The following PRKDC variants were observed in gnomAD, a reference collection of about 807,000 sequenced individuals.
PRKDC encodes the protein protein kinase, DNA-activated, catalytic subunit.
Under a neutral mutation model 486.9 loss-of-function variants are expected in PRKDC, and 82 were observed. The ratio of observed to expected loss-of-function variants is 0.17; its 90% CI spans 0.14 to 0.20. PRKDC has a LOEUF of 0.20. Among genes scored for constraint, PRKDC ranks in the 10% least tolerant of loss-of-function variants. PRKDC has a pLI of 1.00. For missense variants in PRKDC, 4,504 were observed against 5,038.2 expected (o/e 0.89, Z 3.21); for synonymous variants, 1,895 against 1,837.0 (o/e 1.03, Z -0.81).
intron 1 of PRKDC, among the ~76,000 whole-genome samples, chr8:47,958,136 G>A (rs1233803088): frequency 6.6e-6 from 1 of 152,138 alleles, no homozygotes; most frequent in African/African-American, 2.4e-5. Context: ...AAGAAGAGTG[G>A]GTCAGAGAGA....
chr8:47,854,955 C>A (rs1417541258), intron 50 of PRKDC, among the ~76,000 whole-genome samples: 4 of 152,190 alleles, frequency 2.6e-5, no homozygotes, highest in African/African-American at 9.7e-5. Context: ...CCTCCCACCA[C>A]CCTCTACCCC....
At chr8:47,838,526 C>T (rs2088074964) in intron 56 of PRKDC, among the ~76,000 whole-genome samples, 1 of 152,106 alleles carries the variant, frequency 6.6e-6, no homozygotes, top group Non-Finnish European at 1.5e-5. Flanking sequence ...GGAGGAGGAT[C>T]ATACGAACCC....
chr8:47,784,794 G>A (rs1192412075), intron 77 of PRKDC, among the ~76,000 whole-genome samples: 1 of 151,522 alleles, frequency 6.6e-6, no homozygotes, highest in Non-Finnish European at 1.5e-5. Context: ...TATTTCTGAA[G>A]AAAAGTTATT....
chr8:47,785,375 G>C, intron 76 of PRKDC, 58 bp from the exon 77 acceptor site: 1 of 1,303,220 alleles, frequency 7.7e-7, no homozygotes, highest in Non-Finnish European at 1.1e-6. Context: ...TTTGGAAAAG[G>C]CTCTAAGCTT....
Position 47,929,885 on chromosome 8 carries a change from C to A in PRKDC, c.2020G>T (p.Val674Leu). 1 of 1,599,992 alleles carries A rather than the reference C, an allele frequency of 6.3e-7. No individual in the cohort carries two copies. The highest frequency in any genetic ancestry group is 2.2e-5 in the East Asian group (1 of 44,682). The stretch of plus-strand genomic sequence containing the variant: ...TATTTTATTTTCTTGGCATTTCTTA[C>A]TGTAATAGAAAGCAATTTGTAGAAA... ...SGFYKLLSIT[V>L]RNAKKIKYFE... The change falls in exon 18 of 86, where the codon GTA becomes TTA. Residue 674 changes from valine (V) to leucine (L), a missense_variant. Physicochemically the swap from Val to Leu is conservative, Grantham distance 32. Coordinates refer to ENST00000314191, the MANE Select transcript of PRKDC (RefSeq NM_006904.7).
chr8:47,782,574 T>C lies in PRKDC; in HGVS notation c.11200A>G (p.Arg3734Gly), dbSNP rs139593183. The C allele has an allele frequency of 2.1e-5, 33 of 1,565,522 alleles. No homozygotes were observed. Among genetic ancestry groups the C allele is most frequent in the Non-Finnish European group, 2.5e-5 (29 of 1,155,146 alleles). Residue 3734 changes from arginine (R) to glycine (G), a missense_variant, in exon 79 of 86, where the codon AGG becomes GGG. Arg to Gly is a moderately radical substitution (Grantham distance 125). Transcript: ENST00000314191. This position sits in a 1 kb window ranked among gnomAD's most constrained non-coding sequence, Gnocchi z 4.9. ...ERVTVMASLR[R>G]PKRIIIRGHD... ...CCACGGATGATGATGCGCTTGGGCC[T>C]TCGCAGAGACGCCATGACTGTCACC... is the stretch of plus-strand genomic sequence containing the variant.
At chr8:47,912,069 C>G (rs1242381833) in intron 25 of PRKDC, among the ~76,000 whole-genome samples, 1 of 152,130 alleles carries the variant, frequency 6.6e-6, no homozygotes, top group Non-Finnish European at 1.5e-5. Flanking sequence ...CCGCGCGCGG[C>G]CCATGGTTAT....
chr8:47,805,339 G>C (rs955790634), intron 69 of PRKDC, among the ~76,000 whole-genome samples: 1 of 152,108 alleles, frequency 6.6e-6, no homozygotes, highest in African/African-American at 2.4e-5. Context: ...GGTGTGAAGC[G>C]GTCTCTCCTT....
chr8:47,888,694 G>A (rs374800764), intron 33 of PRKDC, 44 bp from the exon 34 acceptor site: 15 of 1,513,468 alleles, frequency 9.9e-6, no homozygotes, highest in Middle Eastern at 1.8e-4. Context: ...CTCTGATCTC[G>A]TTAAATTATC....
intron 3 of PRKDC, 144 bp from the exon 4 acceptor site, chr8:47,956,092 G>C: frequency 1.5e-6 from 1 of 663,208 alleles, no homozygotes; most frequent in Non-Finnish European, 2.6e-6. Flanking sequence ...GCCGGGCATA[G>C]TGGCTCATGC....
rs2088046823 is a variant in PRKDC, at chr8:47,837,247, T to C, written c.7726A>G (p.Met2576Val). 2 of 1,613,748 alleles carry C rather than the reference T, an allele frequency of 1.2e-6. No individual in the cohort carries two copies. The highest frequency in any genetic ancestry group is 1.7e-5 in the Admixed American group (1 of 59,990). ...TSMSPDYPNP[M>V]FEHPLSECEF... is the part of the protein sequence containing the mutation. Reference sequence around the variant, plus strand: ...CATTCTGACAGAGGATGCTCGAACATGGGGTTTGGATAATCTGGGCTCATG... The same window carrying C: ...CATTCTGACAGAGGATGCTCGAACACGGGGTTTGGATAATCTGGGCTCATG... Residue 2576 changes from methionine (M) to valine (V), a missense_variant, in exon 57 of 86, where the codon ATG (methionine) becomes GTG (valine). Met to Val is a conservative substitution (Grantham distance 21, BLOSUM62 1). This residue lies in a region of PRKDC where 1,592 missense variants were observed against 1,724.6 expected (regional missense o/e 0.92). Transcript: ENST00000314191.
chr8:47,778,898 A>C, intron 81 of PRKDC, 99 bp from the exon 82 acceptor site: 6 of 1,453,642 alleles, frequency 4.1e-6, no homozygotes, highest in Non-Finnish European at 1.9e-6. Context: ...CAAATATCGA[A>C]TAATCTTGAT....
At chr8:47,902,851 G>A (rs2089713785) in intron 26 of PRKDC, 56 bp from the exon 27 acceptor site, 1 of 1,356,724 alleles carries the variant, frequency 7.4e-7, no homozygotes, top group Non-Finnish European at 1.0e-6. Flanking sequence ...ACTGACAACT[G>A]AATACCCTTG....
Position 47,858,525 on chromosome 8 carries a change from A to G in PRKDC, c.6456T>C (p.Asn2152=). Residue 2152 remains asparagine, a synonymous_variant, in exon 48 of 86, where the codon AAT becomes AAC. Transcript: ENST00000314191. The part of the protein sequence containing the change: ...IRLFLAKLVI[N]TEEVFRPYAK... ...ATAATCAATTACTTACCTCTTCTGT[A>G]TTAATAACAAGCTTGGCTAAGAAGA... The G allele has an allele frequency of 6.6e-7, 1 of 1,505,016 alleles. No homozygotes were observed. Among genetic ancestry groups the G allele is most frequent in the Non-Finnish European group, 9.0e-7 (1 of 1,110,946 alleles). 93.2% of individuals were successfully genotyped at this position (1,505,016 alleles called of 1,614,324 possible).
intron 59 of PRKDC, among the ~76,000 whole-genome samples, chr8:47,832,318 C>T (rs952986992): frequency 6.6e-6 from 1 of 152,216 alleles, no homozygotes; most frequent in Non-Finnish European, 1.5e-5. Context: ...CGCAACACTC[C>T]TAACCCGTAT....
At chr8:47,809,879 C>T (rs899968792) in intron 68 of PRKDC, among the ~76,000 whole-genome samples, 3 of 152,266 alleles carry the variant, frequency 2.0e-5, no homozygotes, top group Non-Finnish European at 4.4e-5. Context: ...CTCTCTTTTG[C>T]CCCTGTGGAG....
At chr8:47,882,237 C>T (rs939311642) in intron 36 of PRKDC, 140 bp from the exon 37 acceptor site, 4 of 815,714 alleles carry the variant, frequency 4.9e-6, no homozygotes, top group East Asian at 5.5e-5. Context: ...TTCAAAACTC[C>T]TCGAGTTTGA....
At chr8:47,836,580 CT>C in intron 57 of PRKDC, 53 bp from the exon 58 acceptor site, 1 of 1,434,686 alleles carries the variant, frequency 7.0e-7, no homozygotes, top group Non-Finnish European at 9.6e-7. Flanking sequence ...AATAATGCTC[CT>C]TTTTTAGGAA....
At position 47,785,201 on chromosome 8, in the gene PRKDC, G is replaced by A; in HGVS notation, c.11019C>T (p.Asp3673=). 12 of 1,613,940 alleles carry A rather than the reference G, an allele frequency of 7.4e-6. No individual in the cohort carries two copies. The highest frequency in any genetic ancestry group is 1.0e-5 in the Non-Finnish European group (12 of 1,179,878). The change falls in exon 77 of 86, where the codon GAC becomes GAT. Residue 3673 remains aspartate (D), a synonymous_variant. Coordinates refer to ENST00000314191, the MANE Select transcript of PRKDC (RefSeq NM_006904.7). ...CTTTCAGATTCCCAGGGGGCTTTGA[G>A]TCTTTGTTCATTTTTAAAAGTAGCA... ...TNMLLLKMNK[D]SKPPGNLKEC...
Sources: gnomAD v4.1 joint callset for allele counts (sites outside exome capture counted in the v4.1 genomes callset) on GRCh38, gnomAD v4.1.1 for gene constraint, gnomAD v4.1.1 regional missense constraint, Gnocchi (gnomAD v3.1) non-coding constraint, MANE v1.5 for transcripts, NCBI Gene and HGNC (gene_info 2026-07-23, HGNC 2026-07-21) for gene names.